AK4: variants seen among roughly 807,000 people sequenced by gnomAD.
The protein encoded by AK4 is adenylate kinase 4.
Under a neutral mutation model 24.6 loss-of-function variants are expected in AK4, and 13 were observed. The observed-to-expected ratio is 0.53, with a 90% CI of 0.34 to 0.84. The LOEUF is 0.84. Ranked by LOEUF, AK4 falls within the 40% of genes least tolerant of loss-of-function variation. AK4 has a pLI of 0.01. For missense variants in AK4, 192 were observed against 288.2 expected (o/e 0.67, Z 2.42); for synonymous variants, 88 against 107.0 (o/e 0.82, Z 1.10).
chr1:65,169,195 AAAAG>A (rs1180140610), intron 1 of AK4, among the ~76,000 whole-genome samples: 1 of 150,632 alleles, frequency 6.6e-6, no homozygotes, highest in Admixed American at 6.6e-5. Context: ...AAAAAAAAGA[AAAAG>A]AAAAGAAAAG....
At chr1:65,155,876 G>T (rs899844075) in intron 1 of AK4, among the ~76,000 whole-genome samples, 2 of 152,246 alleles carry the variant, frequency 1.3e-5, no homozygotes, top group African/African-American at 4.8e-5. Flanking sequence ...CACCGTATTG[G>T]CCAGGCTGGT....
rs1176965901 is a variant in AK4, at chr1:65,216,688, C to CT, written c.266-2056dup. On this transcript the variant is annotated intron_variant, in intron 2 of 4. Transcript: ENST00000327299. ...CTGTCTTCCTTTTCTTTCTTTTCTT[C>CT]TTTTTTTTTTCTTTTTGAGACAGGA... Among the ~76,000 whole-genome samples the CT allele has an allele frequency of 7.5e-4, 95 of 126,138 alleles. 5 individuals carry two copies. The highest frequency in any genetic ancestry group is 1.8e-3 in the African/African-American group (49 of 27,882). 82.8% of individuals were successfully genotyped at this position (126,138 alleles called of 152,430 possible).
intron 1 of AK4, among the ~76,000 whole-genome samples, 198 bp from the exon 2 acceptor site, chr1:65,190,512 T>G (rs1354726388): frequency 6.6e-6 from 1 of 152,116 alleles, no homozygotes; most frequent in Non-Finnish European, 1.5e-5. Flanking sequence ...TATAATTTTT[T>G]GGGAGATAAA....
intron 1 of AK4, among the ~76,000 whole-genome samples, chr1:65,161,902 G>A (rs12095937): frequency 0.022 from 3,382 of 152,196 alleles, 77 homozygotes; most frequent in African/African-American, 0.064. Context: ...CCTCTTTGAG[G>A]AGGTAATATT....
intron 1 of AK4, among the ~76,000 whole-genome samples, chr1:65,166,293 A>G (rs943515739): frequency 2.0e-5 from 3 of 148,204 alleles, no homozygotes; most frequent in African/African-American, 7.5e-5. Context: ...TGGAAGCACA[A>G]TCCAGTGGGA....
At chr1:65,208,991 TGG>T (rs10711486) in intron 2 of AK4, among the ~76,000 whole-genome samples, 1 of 151,664 alleles carries the variant, frequency 6.6e-6, no homozygotes, top group Admixed American at 6.6e-5. Context: ...AAATATTTTG[TGG>T]GGGGGGTCTT....
intron 1 of AK4, among the ~76,000 whole-genome samples, chr1:65,161,034 A>G (rs1199378804): frequency 2.0e-5 from 3 of 152,144 alleles, no homozygotes; most frequent in Non-Finnish European, 4.4e-5. Context: ...TGAGGCTCAG[A>G]AGGCCCTTTA....
At chr1:65,168,222 A>G (rs1345181932) in intron 1 of AK4, among the ~76,000 whole-genome samples, 1 of 136,954 alleles carries the variant, frequency 7.3e-6, no homozygotes, top group Non-Finnish European at 1.5e-5. Context: ...ACCTCAGCTT[A>G]TTGCAACTCC....
chr1:65,205,577 G>C (rs1046084794), intron 2 of AK4, among the ~76,000 whole-genome samples: 1 of 152,044 alleles, frequency 6.6e-6, no homozygotes. Flanking sequence ...ACCCCGTATA[G>C]ACTTTCTAAA....
At chr1:65,223,690 T>C (rs2101093358) in intron 3 of AK4, among the ~76,000 whole-genome samples, 1 of 152,184 alleles carries the variant, frequency 6.6e-6, no homozygotes, top group East Asian at 1.9e-4. Flanking sequence ...TCATATACAT[T>C]TTCAAATCAA....
chr1:65,169,212 A>G (rs1173540368), intron 1 of AK4, among the ~76,000 whole-genome samples: 1 of 151,984 alleles, frequency 6.6e-6, no homozygotes, highest in East Asian at 1.9e-4. Flanking sequence ...AAGAAAAGAA[A>G]AAAACACACT....
chr1:65,163,762 A>G (rs940555282), intron 1 of AK4, among the ~76,000 whole-genome samples: 3 of 152,094 alleles, frequency 2.0e-5, no homozygotes, highest in Admixed American at 6.6e-5. Flanking sequence ...ACTCAAATCA[A>G]TCTCCTTGAG....
At chr1:65,192,671 A>G (rs1651342310) in intron 2 of AK4, among the ~76,000 whole-genome samples, 1 of 152,190 alleles carries the variant, frequency 6.6e-6, no homozygotes, top group Admixed American at 6.5e-5. Context: ...TCCTGAGACA[A>G]ATTCCCTTCA....
intron 1 of AK4, among the ~76,000 whole-genome samples, chr1:65,154,846 G>A (rs1300569579): frequency 7.2e-6 from 1 of 138,322 alleles, no homozygotes; most frequent in Non-Finnish European, 1.5e-5. Context: ...TTAAATCATA[G>A]GGAGAATTTT....
chr1:65,182,422 G>A (rs112357736), intron 1 of AK4, among the ~76,000 whole-genome samples: 24 of 152,140 alleles, frequency 1.6e-4, no homozygotes, highest in African/African-American at 5.8e-4. Flanking sequence ...CTGACTTCTG[G>A]CATGTACTTT....
intron 1 of AK4, among the ~76,000 whole-genome samples, chr1:65,164,128 G>A (rs1650256017): frequency 1.3e-5 from 2 of 152,154 alleles, no homozygotes. Flanking sequence ...TCCTGCAAAG[G>A]CAGACTGGTC....
At chr1:65,217,924 G>A (rs181874067) in intron 2 of AK4, among the ~76,000 whole-genome samples, 1 of 152,266 alleles carries the variant, frequency 6.6e-6, no homozygotes, top group Non-Finnish European at 1.5e-5. Context: ...TATTTAAGGT[G>A]TACAATGTGA....
At chr1:65,166,531 A>AT (rs113431066) in intron 1 of AK4, among the ~76,000 whole-genome samples, 11 of 152,028 alleles carry the variant, frequency 7.2e-5, no homozygotes, top group Non-Finnish European at 2.9e-5. Flanking sequence ...TGCTTTTTAA[A>AT]TTTTTTTTGA....
At chr1:65,165,010 T>C (rs2100998375) in intron 1 of AK4, among the ~76,000 whole-genome samples, 1 of 152,338 alleles carries the variant, frequency 6.6e-6, no homozygotes, top group African/African-American at 2.4e-5. Context: ...AAAATCAGTC[T>C]ATTCCAAAAG....
Sources: allele counts gnomAD v4.1 joint callset (sites outside exome capture counted in the v4.1 genomes callset), GRCh38; gene constraint gnomAD v4.1.1; transcripts MANE v1.5; gene names NCBI Gene and HGNC (gene_info 2026-07-23, HGNC 2026-07-21).